ZNF331: variants seen among roughly 807,000 people sequenced by gnomAD.
ZNF331 encodes zinc finger protein 331.
ZNF331 carries 2 observed loss-of-function variants against 7.0 expected under a neutral mutation model. That is an observed-to-expected ratio of 0.29 (90% CI 0.12 to 0.90). The LOEUF is 0.90. Among genes scored for constraint, ZNF331 ranks in the 40% least tolerant of loss-of-function variants. The probability of loss-of-function intolerance (pLI) is 0.58; values close to 1 mark genes in which losing one functional copy is unlikely to be tolerated. For synonymous variants in ZNF331, 196 were observed against 205.4 expected (o/e 0.95, Z 0.39); for missense variants, 432 against 587.7 (o/e 0.74, Z 2.74).
At chr19:53,536,674 C>T (rs577798554), upstream of ZNF331, among the ~76,000 whole-genome samples, 117 of 152,246 alleles carry the variant, frequency 7.7e-4, no homozygotes, top group Middle Eastern at 3.4e-3. Context: ...CCGAGGCAGG[C>T]GGATCACCTG....
the ZNF331 span, among the ~76,000 whole-genome samples, chr19:53,509,482 G>A: frequency 1.2e-4 from 18 of 149,898 alleles, no homozygotes; most frequent in Non-Finnish European, 8.9e-5. Flanking sequence ...GGAGATGGCA[G>A]GAGTCCAATC....
chr19:53,562,412 G>A (rs1341344283), intron 3 of ZNF331, among the ~76,000 whole-genome samples: 6 of 152,088 alleles, frequency 3.9e-5, no homozygotes, highest in East Asian at 1.9e-4. Context: ...GATTCACGCC[G>A]GGTGCAGTGG....
Position 53,560,285 on chromosome 19 carries a change from A to G in ZNF331, c.-74+4377A>G, listed in dbSNP as rs1005709665. Among the ~76,000 whole-genome samples the G allele has an allele frequency of 6.6e-6, 1 of 151,838 alleles. No individual in the cohort carries two copies. The highest frequency in any genetic ancestry group is 2.4e-5 in the African/African-American group (1 of 41,212). On this transcript the variant is annotated intron_variant, in intron 3 of 5. Coordinates refer to ENST00000449416, the MANE Select transcript of ZNF331 (RefSeq NM_001079906.2). This position sits in a 1 kb window ranked among gnomAD's most constrained non-coding sequence, Gnocchi z 4.3. The stretch of plus-strand genomic sequence containing the variant: ...CCACATATATACACACACCATATAT[A>G]TGCACATATATATATACACCCACAC...
At position 53,560,130 on chromosome 19, in the gene ZNF331, A is replaced by G. The variant is rs1600410587; in HGVS notation, c.-74+4222A>G. The stretch of plus-strand genomic sequence containing the variant: ...ACCATACACACACATATATACACAC[A>G]CCATATATATACACACATATATACA... On this transcript the variant is annotated intron_variant, in intron 3 of 5. Transcript: ENST00000449416. This position sits in a 1 kb window ranked among gnomAD's most constrained non-coding sequence, Gnocchi z 4.3. Among the ~76,000 whole-genome samples the G allele has an allele frequency of 6.7e-6, 1 of 148,466 alleles. No homozygotes were observed. Among genetic ancestry groups the G allele is most frequent in the East Asian group, 1.9e-4 (1 of 5,150 alleles).
chr19:53,548,275 T>A (rs1035811183), intron 2 of ZNF331, among the ~76,000 whole-genome samples: 5 of 149,218 alleles, frequency 3.4e-5, no homozygotes, highest in African/African-American at 1.2e-4. Context: ...GCCCGGCTAA[T>A]TTTTTTTTTG....
chr19:53,561,615 T>C, intron 3 of ZNF331, among the ~76,000 whole-genome samples: 1 of 152,238 alleles, frequency 6.6e-6, no homozygotes, highest in East Asian at 1.9e-4. Context: ...AAATTAAAGA[T>C]TCTAAGGTGG....
At chr19:53,532,369 A>G (rs994576881) in intron 2 of ZNF331, among the ~76,000 whole-genome samples, 1 of 152,218 alleles carries the variant, frequency 6.6e-6, no homozygotes, top group African/African-American at 2.4e-5. Context: ...TATTTCACTT[A>G]ATATGATGTC....
chr19:53,566,021 G>C (rs1183946769), intron 3 of ZNF331, among the ~76,000 whole-genome samples: 1 of 152,112 alleles, frequency 6.6e-6, no homozygotes, highest in Non-Finnish European at 1.5e-5. Flanking sequence ...ACCACCACCA[G>C]GTTCCTTGTT....
the ZNF331 span, among the ~76,000 whole-genome samples, chr19:53,508,070 A>G: frequency 6.6e-6 from 1 of 152,202 alleles, no homozygotes; most frequent in Non-Finnish European, 1.5e-5. Flanking sequence ...TCAGCTGCTG[A>G]TCTAACAGTT....
intron 2 of ZNF331, among the ~76,000 whole-genome samples, chr19:53,526,898 A>G (rs889483626): frequency 2.0e-5 from 3 of 151,838 alleles, no homozygotes; most frequent in African/African-American, 7.3e-5. Context: ...TTGCATTATA[A>G]GAAATATAAC....
rs527391326 is a variant in ZNF331, at chr19:53,546,140, G to GAAAAA, written c.-138+6875_-138+6879dup. Among the ~76,000 whole-genome samples the GAAAAA allele has an allele frequency of 2.7e-3, 305 of 113,468 alleles. 4 individuals carry two copies. The highest frequency in any genetic ancestry group is 5.7e-3 in the Admixed American group (55 of 9,664). 74.4% of individuals were successfully genotyped at this position (113,468 alleles called of 152,430 possible). A position where few individuals can be genotyped will look rare whatever the true frequency, so the allele number is the denominator to read the frequency against. On this transcript the variant is annotated intron_variant, in intron 2 of 5. Coordinates refer to ENST00000449416, the MANE Select transcript of ZNF331 (RefSeq NM_001079906.2). The stretch of plus-strand genomic sequence containing the variant: ...CCTTCAGAAAAAGCATCCTGAGGGG[G>GAAAAA]AAAAAAAAAAAAAAAAAAAAATTAT...
Position 53,556,664 on chromosome 19 carries a change from G to A in ZNF331, c.-74+756G>A, listed in dbSNP as rs1358974776. Among the ~76,000 whole-genome samples the A allele has an allele frequency of 3.3e-5, 5 of 151,898 alleles. No individual in the cohort carries two copies. In the East Asian group the frequency reaches 9.7e-4, roughly 29 times the overall value. ...TGTTTTGTTTTGTTTTTGAGACAGG[G>A]TCTTACTCTGTCATCAAGGCTGGAG... On this transcript the variant is annotated intron_variant, in intron 3 of 5. Transcript: ENST00000449416.
chr19:53,535,018 C>CAAAAAA (rs59509834), upstream of ZNF331, among the ~76,000 whole-genome samples: 1 of 127,320 alleles, frequency 7.9e-6, no homozygotes, highest in African/African-American at 2.9e-5. Flanking sequence ...AGCCTGTAAC[C>CAAAAAA]AAAAAAAAAA....
At chr19:53,542,490 C>T (rs1197112289) in intron 2 of ZNF331, among the ~76,000 whole-genome samples, 1 of 152,150 alleles carries the variant, frequency 6.6e-6, no homozygotes, top group Non-Finnish European at 1.5e-5. Context: ...AGTAACATTT[C>T]CAAGATAGAA....
intron 3 of ZNF331, among the ~76,000 whole-genome samples, chr19:53,565,674 G>C (rs1037173155): frequency 6.6e-6 from 1 of 151,598 alleles, no homozygotes; most frequent in Non-Finnish European, 1.5e-5. Context: ...TTACAGGCAC[G>C]CACCACCACA....
intron 2 of ZNF331, among the ~76,000 whole-genome samples, chr19:53,528,861 T>C (rs1242833273): frequency 1.3e-5 from 2 of 152,034 alleles, no homozygotes. Context: ...CAGAGCCCAC[T>C]GCAGCCTCCG....
At chr19:53,574,034 G>A (rs2090588009) in intron 5 of ZNF331, among the ~76,000 whole-genome samples, 1 of 151,932 alleles carries the variant, frequency 6.6e-6, no homozygotes, top group Non-Finnish European at 1.5e-5. Flanking sequence ...GAGAATTGCT[G>A]GGACCTGGGA....
rs768964837 is a variant in ZNF331, at chr19:53,577,891, G to A, written c.1331G>A (p.Cys444Tyr). 7 of 1,613,698 alleles carry A rather than the reference G, an allele frequency of 4.3e-6. No individual in the cohort carries two copies. Among genetic ancestry groups the A allele is most frequent in the Non-Finnish European group, 5.1e-6 (6 of 1,180,044 alleles). The change falls in exon 6 of 6, where the codon TGC (cysteine) becomes TAC (tyrosine). Residue 444 changes from cysteine (C) to tyrosine (Y), a missense_variant. Transcript: ENST00000449416. ...GCGAAATCCTACGAATGTAAGGAGT[G>A]CGGGAAGGCATGTAACCACCTAAAC... ...SGAKSYECKE[C>Y]GKACNHLNHL...
At chr19:53,504,003 G>A in the ZNF331 span, 4 of 529,432 alleles carry the variant, frequency 7.6e-6, no homozygotes, top group East Asian at 7.1e-5. Context: ...TTTGCATCCT[G>A]CACAGGCACA....
Sources: gnomAD v4.1 joint callset for allele counts (sites outside exome capture counted in the v4.1 genomes callset) on GRCh38, gnomAD v4.1.1 for gene constraint, Gnocchi (gnomAD v3.1) non-coding constraint, MANE v1.5 for transcripts, NCBI Gene and HGNC (gene_info 2026-07-23, HGNC 2026-07-21) for gene names.